Variants in DNAH9 observed in about 807,000 individuals in gnomAD.
DNAH9 encodes the protein DNAH9 variant protein.
In DNAH9, 345 loss-of-function variants were observed where a neutral mutation model predicts 471.6. That is an observed-to-expected ratio of 0.73 (90% confidence interval 0.67 to 0.80). The LOEUF (loss-of-function observed/expected upper bound fraction) is 0.80. Ranked by LOEUF, DNAH9 falls within the 30% of genes least tolerant of loss-of-function variation. The pLI, the probability that DNAH9 is intolerant of heterozygous loss-of-function variation, is 0.00. For synonymous variants in DNAH9, 2,093 were observed against 2,123.6 expected, an observed-to-expected ratio of 0.99 and a Z score of 0.40; for missense variants, 5,407 against 5,609.2, an observed-to-expected ratio of 0.96 and a Z score of 1.15.
intron 63 of DNAH9, among the ~76,000 whole-genome samples, chr17:11,930,988 G>T (rs1974491272): frequency 6.6e-6 from 1 of 152,204 alleles, no homozygotes. Flanking sequence ...TTTATTTGAA[G>T]CCAGGTCCAA....
intron 4 of DNAH9, chr17:11,612,781 G>A (rs575255994): frequency 6.6e-6 from 1 of 152,232 alleles, no homozygotes; most frequent in East Asian, 1.9e-4. Flanking sequence ...TGCTTTTAAA[G>A]GTCTTTGTCA....
intron 38 of DNAH9, among the ~76,000 whole-genome samples, chr17:11,770,631 A>T (rs1398152229): frequency 6.6e-6 from 1 of 152,220 alleles, no homozygotes; most frequent in African/African-American, 2.4e-5. Context: ...TGTAGTTCAG[A>T]CATGAAAATT....
At chr17:11,768,654 T>C (rs775961582) in intron 37 of DNAH9, 28 bp downstream of exon 37, 1 of 1,603,568 alleles carries the variant, frequency 6.2e-7, no homozygotes, top group East Asian at 2.2e-5. Context: ...GCCGAGGACG[T>C]GCGTGCAGTT....
intron 10 of DNAH9, among the ~76,000 whole-genome samples, chr17:11,642,393 G>A (rs1390767043): frequency 1.3e-5 from 2 of 151,340 alleles, no homozygotes; most frequent in Non-Finnish European, 2.9e-5. Context: ...CAAACAATTA[G>A]CCAGGTGTGG....
chr17:11,875,940 A>C (rs1007160829), intron 53 of DNAH9: 1 of 152,138 alleles, frequency 6.6e-6, no homozygotes, highest in African/African-American at 2.4e-5. Flanking sequence ...ATTCATTAGG[A>C]GGTTGATATG....
intron 20 of DNAH9, 73 bp downstream of exon 20, chr17:11,690,509 A>G (rs2074316986): frequency 7.2e-7 from 1 of 1,386,970 alleles, no homozygotes; most frequent in Admixed American, 2.0e-5. Context: ...CAGTTCCTGC[A>G]TTGTCTAGGC....
intron 61 of DNAH9, among the ~76,000 whole-genome samples, chr17:11,922,654 C>T (rs1014435325): frequency 6.6e-6 from 1 of 152,136 alleles, no homozygotes; most frequent in African/African-American, 2.4e-5. Context: ...CACACCTACA[C>T]AACTAAACAG....
intron 22 of DNAH9, among the ~76,000 whole-genome samples, chr17:11,698,221 TA>T (rs1450626839): frequency 2.5e-5 from 3 of 121,532 alleles, no homozygotes; most frequent in African/African-American, 6.2e-5. Context: ...ATAATTATAT[TA>T]ATATAATAGC....
rs532230343 is a variant in DNAH9 at position 11,723,953 on chromosome 17, G to A, written c.5710-3865G>A. ...CTCCCAAAGTGCTGGGATTACAGGC[G>A]TGAGCCACTGTGCCCGGCTTGTTAA... On this transcript the variant is annotated intron_variant, in intron 27 of 68. Coordinates refer to ENST00000262442, the MANE Select transcript of DNAH9 (RefSeq NM_001372.4). Among the ~76,000 whole-genome samples, 313 of 152,258 alleles carry A rather than the reference G, an allele frequency of 2.1e-3. 2 individuals carry two copies. In the Middle Eastern group the frequency reaches 0.024, roughly 12 times the overall value.
rs1425180264 is a variant in DNAH9, at chr17:11,742,233, G to C, written c.6031G>C (p.Glu2011Gln). ...GATCTGTGAAATCATGCTGGTGGCA[G>C]AAGGATTCATTGAAGCCCAGTCATT... ...ELICEIMLVA[E>Q]GFIEAQSLAR... The change falls in exon 30 of 69, where the codon GAA becomes CAA. Residue 2011 changes from glutamate to glutamine, a missense_variant. By Grantham distance (29) the Glu-to-Gln change is conservative (BLOSUM62 2). Coordinates refer to ENST00000262442, the MANE Select transcript of DNAH9 (RefSeq NM_001372.4). The C allele has an allele frequency of 1.2e-6, 2 of 1,613,956 alleles. No individual in the cohort carries two copies. Among genetic ancestry groups the C allele is most frequent in the African/African-American group, 1.3e-5 (1 of 74,928 alleles).
chr17:11,905,521 G>T, intron 60 of DNAH9, 140 bp from the exon 61 acceptor site: 2 of 854,672 alleles, frequency 2.3e-6, no homozygotes, highest in South Asian at 2.0e-5. Context: ...CAGTGGACTT[G>T]GAGCCAGTCC....
In DNAH9 at chr17:11,744,851, T is replaced by C. The variant is rs758913233; in HGVS notation, c.6166T>C (p.Ser2056Pro). ...CAAGTCCGTGCTGGTGGTGGCAGGA[T>C]CCCTGAAGAGAGGAGACCCTGACCG... ...AIKSVLVVAGSLKRGDPDRPE... is the reference protein window; with the variant it reads ...AIKSVLVVAGPLKRGDPDRPE... The change falls in exon 31 of 69, where the codon TCC becomes CCC. Residue 2056 changes from serine (S) to proline (P), a missense_variant. By Grantham distance (74) the Ser-to-Pro change is moderately conservative. Transcript: ENST00000262442. The C allele has an allele frequency of 3.7e-6, 6 of 1,614,040 alleles. No homozygotes were observed. The East Asian group carries it at 1.3e-4, about 36-fold the overall frequency.
rs1351700766 is a variant in DNAH9, at chr17:11,969,335, G to A, written c.13269G>A (p.Leu4423=). The A allele has an allele frequency of 7.8e-5, 126 of 1,613,918 alleles. No individual in the cohort carries two copies. The highest frequency in any genetic ancestry group is 1.0e-4 in the Non-Finnish European group (122 of 1,180,000). ...TTACAGAGGCAAAGCTGAAGGATCT[G>A]ACACCCCCTATGCCTGTGATGTTCA... ...GIITEAKLKD[L]TPPMPVMFIK... Residue 4423 remains leucine, a synonymous_variant, in exon 69 of 69, where the codon CTG becomes CTA. Transcript: ENST00000262442.
intron 19 of DNAH9, among the ~76,000 whole-genome samples, chr17:11,686,641 A>G (rs2074246410): frequency 6.6e-6 from 1 of 152,190 alleles, no homozygotes; most frequent in Non-Finnish European, 1.5e-5. Flanking sequence ...ACAAATCTAA[A>G]CTATAAACAA....
intron 38 of DNAH9, among the ~76,000 whole-genome samples, chr17:11,773,027 G>A (rs1311456086): frequency 1.3e-5 from 2 of 152,314 alleles, no homozygotes; most frequent in African/African-American, 2.4e-5. Flanking sequence ...TGTTACCAAC[G>A]ATTTAAAAAG....
chr17:11,834,450 A>G (rs1173280794), intron 48 of DNAH9, among the ~76,000 whole-genome samples, 188 bp from the exon 49 acceptor site: 2 of 152,192 alleles, frequency 1.3e-5, no homozygotes, highest in Non-Finnish European at 2.9e-5. Flanking sequence ...TTCCTGGGAA[A>G]GAAACCCAGG....
chr17:11,797,535 C>T, intron 42 of DNAH9, 62 bp from the exon 43 acceptor site: 1 of 1,395,090 alleles, frequency 7.2e-7, no homozygotes, highest in Non-Finnish European at 9.9e-7. Flanking sequence ...GGTGTCTCTG[C>T]TCTGTGGAAC....
At chr17:11,863,167 T>C (rs1166234908) in intron 50 of DNAH9, among the ~76,000 whole-genome samples, 1 of 152,210 alleles carries the variant, frequency 6.6e-6, no homozygotes, top group Non-Finnish European at 1.5e-5. Flanking sequence ...TTGTCATAGA[T>C]AGCTGTTATT....
At chr17:11,945,183 CA>C (rs1031385177) in intron 67 of DNAH9, among the ~76,000 whole-genome samples, 6 of 152,286 alleles carry the variant, frequency 3.9e-5, no homozygotes, top group African/African-American at 1.4e-4. Context: ...GCTTACCTGG[CA>C]GGGGGAAGGG....
Sources: allele counts gnomAD v4.1 joint callset (sites outside exome capture counted in the v4.1 genomes callset), GRCh38; gene constraint gnomAD v4.1.1; transcripts MANE v1.5; gene names NCBI Gene and HGNC (gene_info 2026-07-23, HGNC 2026-07-21).